PIEZO2: variants seen among roughly 807,000 people sequenced by gnomAD.
PIEZO2 encodes piezo-type mechanosensitive ion channel component 2.
In PIEZO2, 172 loss-of-function variants were observed where a neutral mutation model predicts 337.3. The observed-to-expected ratio is 0.51, with a 90% CI of 0.45 to 0.58. PIEZO2 has a LOEUF of 0.58. Among genes scored for constraint, PIEZO2 ranks in the 20% least tolerant of loss-of-function variants. PIEZO2 has a pLI of 0.00. For synonymous variants in PIEZO2, 1,251 were observed against 1,228.5 expected, an observed-to-expected ratio of 1.02 and a Z score of -0.38; for missense variants, 3,028 against 3,391.3, an observed-to-expected ratio of 0.89 and a Z score of 2.66.
chr18:10,726,715 C>G lies in PIEZO2; in HGVS notation c.5029+4692G>C, dbSNP rs1455635174. The G allele has an allele frequency of 2.1e-6, 3 of 1,430,252 alleles. No homozygotes were observed. The South Asian group carries it at 3.5e-5, about 17-fold the overall frequency. 88.6% of individuals were successfully genotyped at this position (1,430,252 alleles called of 1,614,324 possible). On this transcript the variant is annotated intron_variant, in intron 36 of 55. Transcript: ENST00000674853. The surrounding 1 kb of genome is among the most constrained non-coding windows in gnomAD (Gnocchi z 5.9). ...GGACCAGGTGTACCTGAACGGCATC[C>G]TGTGCATTCTGGGACATCGCCAGAC...
At chr18:10,876,175 C>G (rs922487938) in intron 4 of PIEZO2, among the ~76,000 whole-genome samples, 2 of 152,162 alleles carry the variant, frequency 1.3e-5, no homozygotes, top group African/African-American at 4.8e-5. Context: ...GAATGCCAGT[C>G]CTCAGAAATG....
At chr18:11,007,148 AC>A (rs2145636144) in intron 2 of PIEZO2, among the ~76,000 whole-genome samples, 1 of 152,278 alleles carries the variant, frequency 6.6e-6, no homozygotes, top group East Asian at 1.9e-4. Context: ...GTATTTTTGT[AC>A]CAGGGCTTCT....
chr18:11,144,889 G>A (rs2040768014), intron 1 of PIEZO2, among the ~76,000 whole-genome samples: 1 of 152,076 alleles, frequency 6.6e-6, no homozygotes, highest in Non-Finnish European at 1.5e-5. Flanking sequence ...GGGAACTCCA[G>A]GCAACACTGG....
chr18:10,681,683 A>G lies in PIEZO2; in HGVS notation c.7757T>C (p.Ile2586Thr), dbSNP rs945666504. 1 of 1,605,828 alleles carries G rather than the reference A, an allele frequency of 6.2e-7. No individual in the cohort carries two copies. Among genetic ancestry groups the G allele is most frequent in the African/African-American group, 1.3e-5 (1 of 74,870 alleles). ...TACGGTGTCCCTAGAAAAAGCTTGTATAAATTTGTTAAAGCTCTGCTGGTC... is the reference window on the plus strand; with the variant it reads ...TACGGTGTCCCTAGAAAAAGCTTGTGTAAATTTGTTAAAGCTCTGCTGGTC... ...VMDQQSFNKF[I>T]QAFSRDTGAM... The change falls in exon 51 of 56, where the codon ATA becomes ACA. Residue 2586 changes from isoleucine (I) to threonine (T), a missense_variant. Around this residue, in one of 5 missense-constraint regions of PIEZO2, gnomAD observed 332 missense variants for 363.8 expected, o/e 0.91. Coordinates refer to ENST00000674853, the MANE Select transcript of PIEZO2 (RefSeq NM_001378183.1).
intron 3 of PIEZO2, among the ~76,000 whole-genome samples, chr18:10,971,344 G>A (rs1216167237): frequency 2.0e-5 from 3 of 152,112 alleles, no homozygotes; most frequent in African/African-American, 7.2e-5. Flanking sequence ...GTACATTCTT[G>A]TTATTTACTG....
chr18:10,935,796 C>T (rs76075581), intron 3 of PIEZO2, among the ~76,000 whole-genome samples: 1,523 of 152,290 alleles, frequency 0.01, 31 homozygotes, highest in African/African-American at 0.034. Context: ...GACCACGGCC[C>T]CTGCTCCTGC....
At chr18:10,890,089 T>G (rs2042713092) in intron 4 of PIEZO2, among the ~76,000 whole-genome samples, 1 of 152,216 alleles carries the variant, frequency 6.6e-6, no homozygotes, top group Non-Finnish European at 1.5e-5. Flanking sequence ...CAGCTCCTAC[T>G]GTGATGCTTT....
At chr18:10,869,442 T>C (rs1157791) in intron 5 of PIEZO2, among the ~76,000 whole-genome samples, 49,759 of 152,042 alleles carry the variant, frequency 0.33, 8,326 homozygotes, top group South Asian at 0.37. Context: ...TTTCTGCGCA[T>C]GAATCCCAGA....
In PIEZO2 at chr18:10,945,386, TG is replaced by T. The variant is rs895245387; in HGVS notation, c.286+34148del. Among the ~76,000 whole-genome samples, 1 of 152,132 alleles carries T rather than the reference TG, an allele frequency of 6.6e-6. No homozygotes were observed. The highest frequency in any genetic ancestry group is 2.4e-5 in the African/African-American group (1 of 41,436). Reference sequence around the variant, plus strand: ...CCCTCTCTTCCTTAAGAGAGAACAGTGCCCACCTTTCTCACAGAGGAATACT... The same window carrying T: ...CCCTCTCTTCCTTAAGAGAGAACAGTCCCACCTTTCTCACAGAGGAATACT... On this transcript the variant is annotated intron_variant, in intron 3 of 55. Coordinates refer to ENST00000674853, the MANE Select transcript of PIEZO2 (RefSeq NM_001378183.1). The surrounding 1 kb of genome is among the most constrained non-coding windows in gnomAD (Gnocchi z 4.0).
At chr18:10,880,336 C>A (rs1231671711) in intron 4 of PIEZO2, among the ~76,000 whole-genome samples, 1 of 152,152 alleles carries the variant, frequency 6.6e-6, no homozygotes. Flanking sequence ...GGGAAGACTA[C>A]TTTATTTTTC....
chr18:10,754,843 C>G (rs2037773990), intron 27 of PIEZO2, among the ~76,000 whole-genome samples: 1 of 152,192 alleles, frequency 6.6e-6, no homozygotes, highest in Non-Finnish European at 1.5e-5. Flanking sequence ...GATTTGGGAG[C>G]TGGATTGCTT....
intron 33 of PIEZO2, chr18:10,740,266 A>G (rs1225503486): frequency 6.6e-6 from 1 of 152,328 alleles, no homozygotes; most frequent in East Asian, 1.9e-4. Context: ...TTCCTCATTC[A>G]TCTTTATGAT....
intron 36 of PIEZO2, among the ~76,000 whole-genome samples, chr18:10,718,474 AT>A (rs1204768637): frequency 6.6e-6 from 1 of 152,230 alleles, no homozygotes; most frequent in African/African-American, 2.4e-5. Flanking sequence ...TGTAAACTAC[AT>A]TCGCTGGTGG....
At chr18:10,912,294 G>T (rs1269323481) in intron 3 of PIEZO2, among the ~76,000 whole-genome samples, 1 of 152,072 alleles carries the variant, frequency 6.6e-6, no homozygotes, top group African/African-American at 2.4e-5. Context: ...TAAAAATTCT[G>T]CATTTACCAA....
At chr18:10,841,408 G>C (rs1480108289) in intron 7 of PIEZO2, among the ~76,000 whole-genome samples, 1 of 152,110 alleles carries the variant, frequency 6.6e-6, no homozygotes, top group Non-Finnish European at 1.5e-5. Context: ...GCCACAGTGG[G>C]GGAGGCCAAG....
rs1030908618 is a variant in PIEZO2 at position 10,856,471 on chromosome 18, C to G, written c.703+530G>C. Among the ~76,000 whole-genome samples the G allele has an allele frequency of 6.6e-6, 1 of 152,090 alleles. No homozygotes were observed. The highest frequency in any genetic ancestry group is 2.4e-5 in the African/African-American group (1 of 41,384). On this transcript the variant is annotated intron_variant, in intron 6 of 55. Transcript: ENST00000674853. The surrounding 1 kb of genome is among the most constrained non-coding windows in gnomAD (Gnocchi z 4.7). ...AGTGGAATGGAAGGAGGGAAAAGAT[C>G]AAGATAACATTATTATGGAATAAGC...
intron 7 of PIEZO2, among the ~76,000 whole-genome samples, chr18:10,835,260 C>T (rs2040971660): frequency 6.6e-6 from 1 of 151,304 alleles, no homozygotes; most frequent in Non-Finnish European, 1.5e-5. Flanking sequence ...AGGTTAAAGG[C>T]CTCTCCAATG....
chr18:10,750,283 T>C lies in PIEZO2; in HGVS notation c.4168-96A>G. ...AACATGTGCAAGAATTCACAAGGTC[T>C]CAGTGATAAGGATTCCAGGAGATGC... On this transcript the variant is annotated intron_variant, in intron 28 of 55. Transcript: ENST00000674853. This position sits in a 1 kb window ranked among gnomAD's most constrained non-coding sequence, Gnocchi z 4.1. The C allele has an allele frequency of 1.1e-6, 1 of 886,036 alleles. No homozygotes were observed. Among genetic ancestry groups the C allele is most frequent in the South Asian group, 1.5e-5 (1 of 68,372 alleles). The allele number at this position is 886,036 out of a possible 1,614,324, so 54.9% of individuals were successfully genotyped here.
At chr18:10,740,606 T>C (rs1179846476) in intron 33 of PIEZO2, 37 of 226,530 alleles carry the variant, frequency 1.6e-4, no homozygotes. Context: ...TCACTGACCC[T>C]TTGAATAGAA....
Sources: allele counts gnomAD v4.1 joint callset (sites outside exome capture counted in the v4.1 genomes callset), GRCh38; gene constraint gnomAD v4.1.1; regional missense constraint gnomAD v4.1.1; non-coding constraint Gnocchi (gnomAD v3.1); transcripts MANE v1.5; gene names NCBI Gene and HGNC (gene_info 2026-07-23, HGNC 2026-07-21).